The following CCDC178 variants were observed in gnomAD, a reference collection of about 807,000 sequenced individuals.
The protein encoded by CCDC178 is coiled-coil domain containing 178.
A neutral mutation model predicts 117.4 loss-of-function variants in CCDC178; 126 were observed. The observed-to-expected ratio is 1.07, with a 90% CI of 0.93 to 1.24. The LOEUF is 1.24. CCDC178 is among the 50% of genes most tolerant of loss of function. The pLI is 0.00. For missense variants in CCDC178, 1,030 were observed against 986.9 expected (o/e 1.04, Z -0.59); for synonymous variants, 283 against 313.4 (o/e 0.90, Z 1.02).
At chr18:33,245,760 G>A (rs1204412462) in intron 14 of CCDC178, among the ~76,000 whole-genome samples, 1 of 151,826 alleles carries the variant, frequency 6.6e-6, no homozygotes, top group Non-Finnish European at 1.5e-5. Context: ...CCATAAAGGT[G>A]TTTTTACGAG....
intron 3 of CCDC178, among the ~76,000 whole-genome samples, chr18:33,403,037 T>A (rs2144867623): frequency 6.6e-6 from 1 of 152,286 alleles, no homozygotes; most frequent in Admixed American, 6.5e-5. Flanking sequence ...GTCTCATCTC[T>A]CACCCATATA....
At chr18:33,277,612 T>C (rs929126488) in intron 12 of CCDC178, among the ~76,000 whole-genome samples, 2 of 152,142 alleles carry the variant, frequency 1.3e-5, no homozygotes, top group Non-Finnish European at 2.9e-5. Flanking sequence ...AAACCATTTC[T>C]AATCTCATTA....
chr18:33,064,717 A>G (rs764553167), intron 21 of CCDC178, among the ~76,000 whole-genome samples: 24 of 152,220 alleles, frequency 1.6e-4, no homozygotes, highest in Non-Finnish European at 1.0e-4. Flanking sequence ...TACTCCATAT[A>G]TATCTAAGCG....
intron 15 of CCDC178, among the ~76,000 whole-genome samples, chr18:33,227,556 G>GTGTATA (rs1216398577): frequency 1.8e-5 from 2 of 110,934 alleles, no homozygotes; most frequent in Admixed American, 9.7e-5. Context: ...GTGTGTGTGT[G>GTGTATA]TATATATATA....
intron 20 of CCDC178, among the ~76,000 whole-genome samples, chr18:33,161,127 G>T (rs2058457160): frequency 6.6e-6 from 1 of 151,992 alleles, no homozygotes; most frequent in African/African-American, 2.4e-5. Flanking sequence ...GCTACTGAGA[G>T]GTATAAAAGA....
intron 21 of CCDC178, among the ~76,000 whole-genome samples, chr18:33,074,089 T>C (rs1306008645): frequency 6.6e-6 from 1 of 152,044 alleles, no homozygotes; most frequent in South Asian, 2.1e-4. Flanking sequence ...AGAGACTGGA[T>C]TATGCAGTCG....
chr18:33,201,336 C>T (rs1247143820), intron 20 of CCDC178, among the ~76,000 whole-genome samples: 4 of 152,200 alleles, frequency 2.6e-5, no homozygotes, highest in Non-Finnish European at 4.4e-5. Context: ...AAAGCTTCCC[C>T]TTTCCATGTA....
At chr18:33,030,487 C>T (rs1344806312) in intron 21 of CCDC178, among the ~76,000 whole-genome samples, 1 of 141,888 alleles carries the variant, frequency 7.0e-6, no homozygotes, top group Non-Finnish European at 1.5e-5. Flanking sequence ...TGTTTTATAT[C>T]CTTTGTATTG....
intron 12 of CCDC178, among the ~76,000 whole-genome samples, chr18:33,278,234 T>C (rs201119375): frequency 3.3e-4 from 1 of 3,030 alleles, no homozygotes. Context: ...TACATACATA[T>C]ATATATATAT....
At chr18:33,123,440 A>G (rs970388338) in intron 20 of CCDC178, among the ~76,000 whole-genome samples, 7 of 152,174 alleles carry the variant, frequency 4.6e-5, no homozygotes, top group Non-Finnish European at 8.8e-5. Flanking sequence ...ATTCAAGTTT[A>G]GCATTGAACT....
At chr18:33,277,368 T>C (rs1316769531) in intron 12 of CCDC178, among the ~76,000 whole-genome samples, 1 of 152,158 alleles carries the variant, frequency 6.6e-6, no homozygotes, top group African/African-American at 2.4e-5. Flanking sequence ...GAATACACTT[T>C]TCAAAATCTT....
intron 11 of CCDC178, among the ~76,000 whole-genome samples, chr18:33,305,345 C>T (rs1453890643): frequency 2.0e-5 from 3 of 152,122 alleles, no homozygotes; most frequent in Non-Finnish European, 4.4e-5. Flanking sequence ...TATAGCTGTA[C>T]TGGAAAGAAA....
chr18:33,216,957 C>T (rs552978283), intron 18 of CCDC178, among the ~76,000 whole-genome samples: 1 of 152,130 alleles, frequency 6.6e-6, no homozygotes, highest in Admixed American at 6.6e-5. Context: ...TATCCCTAAA[C>T]TTGACGTTTA....
At chr18:33,215,722 A>ATATTTTTAAATATAT (rs1462686479) in intron 18 of CCDC178, 27 bp from the exon 19 acceptor site, 1 of 1,437,456 alleles carries the variant, frequency 7.0e-7, no homozygotes, top group East Asian at 2.7e-5. Context: ...ACAAGTGTTT[A>ATATTTTTAAATATAT]TTTTAAATAC....
At chr18:33,112,505 C>T (rs2057798116) in intron 20 of CCDC178, among the ~76,000 whole-genome samples, 1 of 151,798 alleles carries the variant, frequency 6.6e-6, no homozygotes, top group Admixed American at 6.6e-5. Flanking sequence ...TGTTGTCTTT[C>T]TCCTTTTTCT....
At chr18:33,263,267 T>C (rs1568098693) in intron 14 of CCDC178, among the ~76,000 whole-genome samples, 1 of 152,134 alleles carries the variant, frequency 6.6e-6, no homozygotes, top group African/African-American at 2.4e-5. Context: ...TTTAAAAGTA[T>C]TATACTGAAT....
In CCDC178 at chr18:33,035,351, A is replaced by G. The variant is rs554096556; in HGVS notation, c.2388+57410T>C. ...AACAGAAGGGAGAGTAAGTAGCAAC[A>G]GCGAGTAATGAAGGTTAAGAAAAAT... On this transcript the variant is annotated intron_variant, in intron 21 of 22. Coordinates refer to ENST00000383096, the MANE Select transcript of CCDC178 (RefSeq NM_001105528.4). 5.3e-5 allele frequency among the ~76,000 whole-genome samples: 8 copies of G among 152,144 alleles called. No homozygotes were observed. In the South Asian group the frequency reaches 1.7e-3, roughly 31 times the overall value.
intron 20 of CCDC178, among the ~76,000 whole-genome samples, chr18:33,184,445 T>C (rs1204789601): frequency 5.3e-5 from 8 of 151,946 alleles, no homozygotes; most frequent in Non-Finnish European, 8.8e-5. Context: ...TCAATAGTTC[T>C]TGGCAAGCAG....
At chr18:33,064,107 C>G (rs984609647) in intron 21 of CCDC178, among the ~76,000 whole-genome samples, 1 of 152,074 alleles carries the variant, frequency 6.6e-6, no homozygotes, top group South Asian at 2.1e-4. Context: ...AATGTAAGAA[C>G]ACAATATACT....
Sources: gnomAD v4.1 joint callset for allele counts (sites outside exome capture counted in the v4.1 genomes callset) on GRCh38, gnomAD v4.1.1 for gene constraint, MANE v1.5 for transcripts, NCBI Gene and HGNC (gene_info 2026-07-23, HGNC 2026-07-21) for gene names.